The following LPP variants were observed in gnomAD, a reference collection of about 807,000 sequenced individuals.
The protein encoded by LPP is lipoma-preferred partner.
Under a neutral mutation model 60.4 loss-of-function variants are expected in LPP, and 38 were observed. That is an observed-to-expected ratio of 0.63 (90% CI 0.49 to 0.83). LPP has a LOEUF of 0.83. Ranked by LOEUF, LPP falls within the 40% of genes least tolerant of loss-of-function variation. The pLI, the probability that LPP is intolerant of heterozygous loss-of-function variation, is 0.00. For missense variants in LPP, 902 were observed against 783.6 expected (o/e 1.15, Z -1.80); for synonymous variants, 328 against 290.8 (o/e 1.13, Z -1.30).
At chr3:188,319,423 A>T (rs1756289088) in intron 2 of LPP, among the ~76,000 whole-genome samples, 1 of 152,092 alleles carries the variant, frequency 6.6e-6, no homozygotes, top group African/African-American at 2.4e-5. Flanking sequence ...ATTTCATTTT[A>T]TTTATTTACT....
At chr3:188,859,948 TA>T (rs1442376773) in intron 9 of LPP, among the ~76,000 whole-genome samples, 1 of 149,772 alleles carries the variant, frequency 6.7e-6, no homozygotes, top group African/African-American at 2.4e-5. Context: ...ATCACAGTCA[TA>T]GGGGTGGGAT....
chr3:188,813,526 A>G (rs1023935847), intron 9 of LPP, among the ~76,000 whole-genome samples: 1 of 152,198 alleles, frequency 6.6e-6, no homozygotes, highest in Non-Finnish European at 1.5e-5. Flanking sequence ...TGAATTCTTA[A>G]TCACTACTCG....
At chr3:188,696,092 T>G (rs1863177666) in intron 7 of LPP, among the ~76,000 whole-genome samples, 2 of 152,148 alleles carry the variant, frequency 1.3e-5, no homozygotes. Flanking sequence ...CCAAGTATCT[T>G]TTGACTGTAA....
At chr3:188,819,330 C>T (rs1217939439) in intron 9 of LPP, among the ~76,000 whole-genome samples, 1 of 151,774 alleles carries the variant, frequency 6.6e-6, no homozygotes, top group Non-Finnish European at 1.5e-5. Flanking sequence ...CTTTTGGATT[C>T]CCAAGTGTCT....
chr3:188,843,574 T>C (rs1437532255), intron 9 of LPP, among the ~76,000 whole-genome samples: 42 of 150,968 alleles, frequency 2.8e-4, no homozygotes, highest in Non-Finnish European at 4.9e-4. Context: ...GATCACGAGG[T>C]CAGGAGATCG....
At chr3:188,216,040 A>G (rs943237618) in intron 1 of LPP, among the ~76,000 whole-genome samples, 1 of 151,960 alleles carries the variant, frequency 6.6e-6, no homozygotes, top group Non-Finnish European at 1.5e-5. Context: ...TATTTTTTGT[A>G]TCCCTTTCTC....
In LPP at chr3:188,617,418, G is replaced by A. The variant is rs77245212; in HGVS notation, c.1113+7574G>A. The stretch of plus-strand genomic sequence containing the variant: ...CAGAAGTAAGTGACCTTTAAAAGGT[G>A]TAATAATAACTATTGTCAGGATGAT... On this transcript the variant is annotated intron_variant, in intron 7 of 11. Coordinates refer to ENST00000617246, the MANE Select transcript of LPP (RefSeq NM_001375462.1). Among the ~76,000 whole-genome samples, 327 of 152,276 alleles carry A rather than the reference G, an allele frequency of 2.1e-3. 1 individual carries two copies. Among genetic ancestry groups the A allele is most frequent in the African/African-American group, 7.2e-3 (301 of 41,566 alleles).
At chr3:188,511,239 CCTCA>C in intron 5 of LPP, among the ~76,000 whole-genome samples, 2 of 116,750 alleles carry the variant, frequency 1.7e-5, no homozygotes, top group Non-Finnish European at 1.8e-5. Flanking sequence ...TTCCTCCCTC[CCTCA>C]CTCCCTTCCC....
At chr3:188,651,023 G>A (rs1029140508) in intron 7 of LPP, among the ~76,000 whole-genome samples, 2 of 151,990 alleles carry the variant, frequency 1.3e-5, no homozygotes, top group African/African-American at 2.4e-5. Flanking sequence ...AAATAAATAG[G>A]GACCCTAATC....
rs1218709117 is a variant in LPP, at chr3:188,879,121, C to T, written c.*4642C>T. On this transcript the variant is annotated 3_prime_UTR_variant, in exon 12 of 12. Coordinates refer to ENST00000617246, the MANE Select transcript of LPP (RefSeq NM_001375462.1). ...TGAATATTTCAGGCCAAGTTATTCA[C>T]TTGACAGATAACTAGAATGAAACTT... The T allele has an allele frequency of 2.6e-5, 6 of 229,110 alleles. No homozygotes were observed. Among genetic ancestry groups the T allele is most frequent in the African/African-American group, 1.3e-4 (6 of 45,176 alleles). 14.2% of individuals were successfully genotyped at this position (229,110 alleles called of 1,614,324 possible).
At chr3:188,213,487 G>T (rs1712129903) in intron 1 of LPP, among the ~76,000 whole-genome samples, 1 of 152,040 alleles carries the variant, frequency 6.6e-6, no homozygotes, top group African/African-American at 2.4e-5. Context: ...CCCCTCTATT[G>T]CGAGATGAGG....
chr3:188,460,436 G>T (rs73888489), intron 4 of LPP, among the ~76,000 whole-genome samples: 2 of 152,172 alleles, frequency 1.3e-5, no homozygotes, highest in East Asian at 3.8e-4. Context: ...GAGAAGTTGG[G>T]ACTTGAAAAT....
intron 4 of LPP, among the ~76,000 whole-genome samples, chr3:188,444,223 A>G (rs1794694973): frequency 6.8e-6 from 1 of 146,300 alleles, no homozygotes; most frequent in South Asian, 2.1e-4. Context: ...GATATGGTGG[A>G]GCTGTATTCT....
chr3:188,775,055 G>GTTTTCTTTTTTTTTTTTTTTTTTTTTTT (rs1737292256), intron 9 of LPP, among the ~76,000 whole-genome samples: 2 of 136,686 alleles, frequency 1.5e-5, no homozygotes, highest in African/African-American at 5.4e-5. Flanking sequence ...CATGCTTAGT[G>GTTTTCTTTTTTTTTTTTTTTTTTTTTTT]TTTTTTTTTT....
At chr3:188,827,151 C>A (rs143470783) in intron 9 of LPP, among the ~76,000 whole-genome samples, 114 of 152,246 alleles carry the variant, frequency 7.5e-4, no homozygotes, top group African/African-American at 2.6e-3. Flanking sequence ...AATCTAGCCA[C>A]AACCACCTCT....
intron 4 of LPP, among the ~76,000 whole-genome samples, chr3:188,458,913 G>A (rs1296214821): frequency 6.6e-6 from 1 of 151,508 alleles, no homozygotes; most frequent in Non-Finnish European, 1.5e-5. Context: ...GGGGCATGAT[G>A]TAGGAATGTT....
chr3:188,185,354 A>G (rs1726284600), intron 1 of LPP, among the ~76,000 whole-genome samples: 1 of 152,108 alleles, frequency 6.6e-6, no homozygotes, highest in Admixed American at 6.6e-5. Flanking sequence ...AATGCAAGTC[A>G]GGAACATTAA....
intron 4 of LPP, among the ~76,000 whole-genome samples, chr3:188,407,788 G>GTTTTTTTTTTTT (rs869082030): frequency 2.8e-5 from 3 of 107,596 alleles, no homozygotes; most frequent in African/African-American, 7.9e-5. Context: ...TTGTTTGTTT[G>GTTTTTTTTTTTT]TTTTTTTTTT....
At chr3:188,240,361 G>C (rs1577477652) in intron 2 of LPP, among the ~76,000 whole-genome samples, 1 of 146,890 alleles carries the variant, frequency 6.8e-6, no homozygotes, top group Middle Eastern at 3.4e-3. Flanking sequence ...GTGTGTGTGT[G>C]TGTGTGTGTG....
Sources: gnomAD v4.1 joint callset for allele counts (sites outside exome capture counted in the v4.1 genomes callset) on GRCh38, gnomAD v4.1.1 for gene constraint, MANE v1.5 for transcripts, NCBI Gene and HGNC (gene_info 2026-07-23, HGNC 2026-07-21) for gene names.